Variants in FAF1 observed in about 807,000 individuals in gnomAD.
FAF1 encodes the protein FAS-associated factor 1.
Under a neutral mutation model 92.5 loss-of-function variants are expected in FAF1, and 25 were observed. The ratio of observed to expected loss-of-function variants is 0.27; its 90% CI spans 0.20 to 0.38. FAF1 has a LOEUF of 0.38. FAF1 is among the 10% of genes least tolerant of loss of function. The pLI, the probability that FAF1 is intolerant of heterozygous loss-of-function variation, is 1.00. For synonymous variants in FAF1, 234 were observed against 273.2 expected (o/e 0.86, Z 1.42); for missense variants, 636 against 793.3 (o/e 0.80, Z 2.38).
chr1:50,468,210 A>G (rs575297610), intron 18 of FAF1, among the ~76,000 whole-genome samples: 1 of 151,690 alleles, frequency 6.6e-6, no homozygotes, highest in South Asian at 2.1e-4. Context: ...CTCTGTCTCA[A>G]ACAACAACAA....
At chr1:50,914,025 A>G (rs1352807612) in intron 1 of FAF1, among the ~76,000 whole-genome samples, 3 of 152,216 alleles carry the variant, frequency 2.0e-5, no homozygotes, top group Admixed American at 2.0e-4. Context: ...TCCACACAAC[A>G]GATCAATCTC....
At chr1:50,638,071 GA>G (rs1557448797) in intron 8 of FAF1, among the ~76,000 whole-genome samples, 1 of 151,906 alleles carries the variant, frequency 6.6e-6, no homozygotes, top group Non-Finnish European at 1.5e-5. Context: ...ATAGAATTGC[GA>G]GTCATATAAG....
intron 18 of FAF1, among the ~76,000 whole-genome samples, chr1:50,463,541 A>T (rs1436448298): frequency 1.3e-5 from 2 of 152,162 alleles, no homozygotes; most frequent in Admixed American, 1.3e-4. Flanking sequence ...CTCAGTTACT[A>T]TGTGTGTGGT....
In FAF1 at chr1:50,622,540, C is replaced by T. The variant is rs1410173929; in HGVS notation, c.745-26324G>A. Among the ~76,000 whole-genome samples the T allele has an allele frequency of 3.9e-5, 6 of 152,288 alleles. No individual in the cohort carries two copies. In the East Asian group the frequency reaches 1.2e-3, roughly 29 times the overall value. On this transcript the variant is annotated intron_variant, in intron 8 of 18. Coordinates refer to ENST00000396153, the MANE Select transcript of FAF1 (RefSeq NM_007051.3). ...ATCTCATCCACTCTCTTGAGAGTTA[C>T]TTTTAAAGGATATTAGTACAATTGT...
intron 1 of FAF1, among the ~76,000 whole-genome samples, chr1:50,931,964 TC>T (rs1387280515): frequency 7.2e-6 from 1 of 139,688 alleles, no homozygotes; most frequent in Non-Finnish European, 1.6e-5. Context: ...TTCAATTACC[TC>T]CCCCCAGGTC....
intron 1 of FAF1, among the ~76,000 whole-genome samples, chr1:50,897,750 T>G (rs981975355): frequency 6.6e-6 from 1 of 152,194 alleles, no homozygotes; most frequent in Non-Finnish European, 1.5e-5. Flanking sequence ...AACATATATT[T>G]TCCATTCACT....
chr1:50,526,088 C>T, intron 15 of FAF1, among the ~76,000 whole-genome samples: 1 of 152,184 alleles, frequency 6.6e-6, no homozygotes, highest in East Asian at 1.9e-4. Context: ...TAATTGATAT[C>T]GTTTGCGATA....
chr1:50,476,587 A>G (rs1405624668), intron 17 of FAF1, among the ~76,000 whole-genome samples: 2 of 152,322 alleles, frequency 1.3e-5, no homozygotes, highest in African/African-American at 4.8e-5. Flanking sequence ...GAATCTATAA[A>G]AATCACTAAA....
chr1:50,517,477 A>G (rs1479348676), intron 15 of FAF1, among the ~76,000 whole-genome samples: 1 of 152,172 alleles, frequency 6.6e-6, no homozygotes, highest in African/African-American at 2.4e-5. Context: ...CATAGTGCTT[A>G]TTACATACTA....
chr1:50,595,575 T>G lies in FAF1; in HGVS notation c.840+546A>C, dbSNP rs368864403. Among the ~76,000 whole-genome samples the G allele has an allele frequency of 6.7e-4, 102 of 152,264 alleles. 4 individuals carry two copies. In the South Asian group the frequency reaches 0.021, roughly 31 times the overall value. On this transcript the variant is annotated intron_variant, in intron 9 of 18. Transcript: ENST00000396153. ...TTTTCTTTTTTGAGATGCATTCTCA[T>G]GCTGTTGCTTAGGCTGGAGTGCAGT... is the stretch of plus-strand genomic sequence containing the variant.
intron 7 of FAF1, among the ~76,000 whole-genome samples, chr1:50,670,127 GAAAAAAAAAA>G (rs1008153553): frequency 1.3e-5 from 1 of 74,728 alleles, no homozygotes; most frequent in Non-Finnish European, 2.8e-5. Context: ...GTCTCAAAAA[GAAAAAAAAAA>G]AAAAAAAAAA....
intron 3 of FAF1, among the ~76,000 whole-genome samples, chr1:50,795,718 G>A (rs958396294): frequency 1.3e-5 from 2 of 152,148 alleles, no homozygotes; most frequent in Non-Finnish European, 2.9e-5. Context: ...ACAACTTTGG[G>A]TGCTGATGGT....
intron 4 of FAF1, among the ~76,000 whole-genome samples, chr1:50,751,669 G>A (rs1294738679): frequency 6.6e-6 from 1 of 151,990 alleles, no homozygotes; most frequent in African/African-American, 2.4e-5. Context: ...CAAGCCACAT[G>A]GCCTACTTGG....
At chr1:50,945,699 C>A (rs926259326) in intron 1 of FAF1, among the ~76,000 whole-genome samples, 1 of 152,176 alleles carries the variant, frequency 6.6e-6, no homozygotes, top group Non-Finnish European at 1.5e-5. Flanking sequence ...TAGTTCACAG[C>A]TTTAACAAGA....
At chr1:50,459,554 A>G (rs1646399761) in intron 18 of FAF1, among the ~76,000 whole-genome samples, 1 of 152,170 alleles carries the variant, frequency 6.6e-6, no homozygotes, top group Non-Finnish European at 1.5e-5. Context: ...TCACCTCTGA[A>G]AACTTCCTAT....
intron 4 of FAF1, among the ~76,000 whole-genome samples, chr1:50,745,424 G>C (rs1659549043): frequency 6.6e-6 from 1 of 152,200 alleles, no homozygotes; most frequent in Admixed American, 6.5e-5. Flanking sequence ...TGTTGATATG[G>C]TTTGAATTTG....
At chr1:50,500,632 A>G (rs1405480842) in intron 15 of FAF1, among the ~76,000 whole-genome samples, 2 of 152,206 alleles carry the variant, frequency 1.3e-5, no homozygotes, top group Non-Finnish European at 2.9e-5. Context: ...AGCATGATAC[A>G]TAAAAGAAAA....
chr1:50,806,249 G>A (rs578252210), intron 2 of FAF1, among the ~76,000 whole-genome samples: 1 of 152,214 alleles, frequency 6.6e-6, no homozygotes, highest in East Asian at 1.9e-4. Flanking sequence ...GTATGTGAAT[G>A]ATGAAAAGCA....
chr1:50,874,710 T>C (rs538058805), intron 1 of FAF1, among the ~76,000 whole-genome samples: 1 of 151,540 alleles, frequency 6.6e-6, no homozygotes, highest in African/African-American at 2.4e-5. Context: ...GAAATGTTTA[T>C]AGATGATTTA....
Sources: allele counts gnomAD v4.1 joint callset (sites outside exome capture counted in the v4.1 genomes callset), GRCh38; gene constraint gnomAD v4.1.1; transcripts MANE v1.5; gene names NCBI Gene and HGNC (gene_info 2026-07-23, HGNC 2026-07-21).